The following DUSP4 variants were observed in gnomAD, a reference collection of about 807,000 sequenced individuals.
The protein encoded by DUSP4 is dual specificity phosphatase 4.
DUSP4 carries 12 observed loss-of-function variants against 27.2 expected under a neutral mutation model. The ratio of observed to expected loss-of-function variants is 0.44; its 90% CI spans 0.28 to 0.71. The LOEUF (loss-of-function observed/expected upper bound fraction) is 0.71. Ranked by LOEUF, DUSP4 falls within the 30% of genes least tolerant of loss-of-function variation. DUSP4 has a pLI of 0.14. For synonymous variants in DUSP4, 257 were observed against 245.2 expected, an observed-to-expected ratio of 1.05 and a Z score of -0.45; for missense variants, 448 against 551.3, an observed-to-expected ratio of 0.81 and a Z score of 1.88.
At chr8:29,341,897 T>C (rs1406027892) in intron 1 of DUSP4, among the ~76,000 whole-genome samples, 1 of 152,238 alleles carries the variant, frequency 6.6e-6, no homozygotes, top group Non-Finnish European at 1.5e-5. Context: ...TGATCACTTG[T>C]ATCCCAAGCC....
chr8:29,338,992 G>C (rs757265219), intron 2 of DUSP4, among the ~76,000 whole-genome samples: 3 of 152,216 alleles, frequency 2.0e-5, no homozygotes, highest in Admixed American at 6.5e-5. Context: ...GGAGTTCCAA[G>C]ACCAGCATGG....
In DUSP4 at chr8:29,350,138, C is replaced by T. The variant is rs770217099; in HGVS notation, c.141G>A (p.Leu47=). Residue 47 remains leucine (L), a synonymous_variant, in exon 1 of 4, where the codon CTG becomes CTA. Coordinates refer to ENST00000240100, the MANE Select transcript of DUSP4 (RefSeq NM_001394.7). ...GCGCCAGGAACGGTCTGCAGTCCAG[C>T]AGCAGGCACTTGCCGCCGCTCGGCA... ...LGLPSGGKCL[L]LDCRPFLAHS... 1 of 1,609,276 alleles carries T rather than the reference C, an allele frequency of 6.2e-7. No homozygotes were observed. Among genetic ancestry groups the T allele is most frequent in the Non-Finnish European group, 8.5e-7 (1 of 1,179,246 alleles).
chr8:29,350,337 T>C lies in DUSP4; in HGVS notation c.-59A>G. The C allele has an allele frequency of 6.6e-7, 1 of 1,506,080 alleles. No individual in the cohort carries two copies. The highest frequency in any genetic ancestry group is 8.8e-7 in the Non-Finnish European group (1 of 1,132,476). 93.3% of individuals were successfully genotyped at this position (1,506,080 alleles called of 1,614,324 possible). On this transcript the variant is annotated 5_prime_UTR_variant, in exon 1 of 4. Transcript: ENST00000240100. The stretch of plus-strand genomic sequence containing the variant: ...GGAAGAGAAGAGAACCCGGGCCGCC[T>C]AGGCTGCAGAAAGGGGCGGGCGAGA...
Position 29,336,085 on chromosome 8 carries a change from TTTC to T in DUSP4, c.*938_*940del, listed in dbSNP as rs1402477954. 2.0e-5 allele frequency: 3 copies of T among 152,118 alleles called. No homozygotes were observed. Among genetic ancestry groups the T allele is most frequent in the Non-Finnish European group, 2.9e-5 (2 of 68,022 alleles). The allele number at this position is 152,118 out of a possible 1,614,324, so 9.4% of individuals were successfully genotyped here. A position where few individuals can be genotyped will look rare whatever the true frequency, so the allele number is the denominator to read the frequency against. On this transcript the variant is annotated 3_prime_UTR_variant, in exon 4 of 4. Coordinates refer to ENST00000240100, the MANE Select transcript of DUSP4 (RefSeq NM_001394.7). ...AACATAGTGAGATGCTGTCTTTTTT[TTTC>T]TTTTCTTTTTTTTTAAAAAAGCAAT...
chr8:29,341,943 A>G (rs1191774542), intron 1 of DUSP4, among the ~76,000 whole-genome samples: 2 of 152,210 alleles, frequency 1.3e-5, no homozygotes, highest in Non-Finnish European at 2.9e-5. Context: ...CTAGGATTTG[A>G]AAAAATTCTA....
intron 1 of DUSP4, among the ~76,000 whole-genome samples, chr8:29,342,604 C>T (rs1461658770): frequency 6.6e-6 from 1 of 152,206 alleles, no homozygotes; most frequent in Non-Finnish European, 1.5e-5. Flanking sequence ...AGACCTCCAT[C>T]TTCTCTCCCA....
chr8:29,344,100 C>T (rs1410891115), intron 1 of DUSP4, among the ~76,000 whole-genome samples: 2 of 152,228 alleles, frequency 1.3e-5, no homozygotes, highest in African/African-American at 4.8e-5. Flanking sequence ...AAGTCCAACT[C>T]AACTTGTGGA....
chr8:29,337,313 G>A lies in DUSP4; in HGVS notation c.898C>T (p.Arg300Trp). The change falls in exon 4 of 4, where the codon CGG (arginine) becomes TGG (tryptophan). Residue 300 changes from arginine to tryptophan, a missense_variant. This residue lies in a region of DUSP4 where 100 missense variants were observed against 139.8 expected (regional missense o/e 0.72). Coordinates refer to ENST00000240100, the MANE Select transcript of DUSP4 (RefSeq NM_001394.7). The surrounding 1 kb of genome is among the most constrained non-coding windows in gnomAD (Gnocchi z 6.4). ...ICLAYLMMKK[R>W]VRLEEAFEFV... is the part of the protein sequence containing the mutation. ...TCGAAGGCCTCCTCCAGCCTCACCC[G>A]TTTCTTCATCATCAGGTAGGCCAGG... The A allele has an allele frequency of 1.9e-6, 3 of 1,612,938 alleles. No individual in the cohort carries two copies. Among genetic ancestry groups the A allele is most frequent in the East Asian group, 2.2e-5 (1 of 44,878 alleles).
rs1034359451 is a variant in DUSP4 at position 29,338,183 on chromosome 8, C to A, written c.799+99G>T. On this transcript the variant is annotated intron_variant, in intron 3 of 3. Transcript: ENST00000240100. ...GAGGGGGAATGGGGACCCTTGGATT[C>A]AGTGCCTCCAATGTCCACCTTCAAC... The A allele has an allele frequency of 3.2e-6, 4 of 1,234,670 alleles. No homozygotes were observed. In the African/African-American group the frequency reaches 5.9e-5, roughly 18 times the overall value. 76.5% of individuals were successfully genotyped at this position (1,234,670 alleles called of 1,614,324 possible).
chr8:29,345,356 A>C (rs1817715437), intron 1 of DUSP4: 2 of 1,613,626 alleles, frequency 1.2e-6, no homozygotes, highest in Admixed American at 1.7e-5. Flanking sequence ...AATCCAACTA[A>C]GTGAACTTCT....
At position 29,336,781 on chromosome 8, in the gene DUSP4, C is replaced by A; in HGVS notation, c.*245G>T. On this transcript the variant is annotated 3_prime_UTR_variant, in exon 4 of 4. Transcript: ENST00000240100. ...AAGTGAAACTGACACATAAACCAAA[C>A]CAAGGTCTTCCCTGGCTGCTGCGGC... 1 of 487,580 alleles carries A rather than the reference C, an allele frequency of 2.1e-6. No homozygotes were observed. Among genetic ancestry groups the A allele is most frequent in the African/African-American group, 2.0e-5 (1 of 49,848 alleles). The allele number at this position is 487,580 out of a possible 1,614,324, so 30.2% of individuals were successfully genotyped here. A position where few individuals can be genotyped will look rare whatever the true frequency, so the allele number is the denominator to read the frequency against.
chr8:29,344,457 T>A (rs1375808886), intron 1 of DUSP4, among the ~76,000 whole-genome samples: 1 of 152,256 alleles, frequency 6.6e-6, no homozygotes, highest in Non-Finnish European at 1.5e-5. Flanking sequence ...TCCCATGTCC[T>A]TATTTAAGAA....
chr8:29,344,831 CTTTT>C (rs1207397990), intron 1 of DUSP4, among the ~76,000 whole-genome samples: 4 of 144,864 alleles, frequency 2.8e-5, no homozygotes, highest in African/African-American at 5.0e-5. Context: ...GGTCATGGAT[CTTTT>C]TTTTTTTTTT....
intron 1 of DUSP4, among the ~76,000 whole-genome samples, chr8:29,341,932 T>TA (rs1817661584): frequency 6.6e-6 from 1 of 152,266 alleles, no homozygotes; most frequent in Non-Finnish European, 1.5e-5. Context: ...TATATACTTC[T>TA]CTAGGATTTG....
intron 1 of DUSP4, among the ~76,000 whole-genome samples, chr8:29,341,782 T>C (rs1394074062): frequency 1.3e-5 from 2 of 152,136 alleles, no homozygotes; most frequent in Non-Finnish European, 2.9e-5. Context: ...AGGAAGGAAA[T>C]ATCTGTCTGC....
At chr8:29,340,301 A>T in intron 1 of DUSP4, 58 bp from the exon 2 acceptor site, 1 of 1,538,402 alleles carries the variant, frequency 6.5e-7, no homozygotes. Flanking sequence ...GGAAGTCAGA[A>T]AGAACTCGAC....
chr8:29,338,199 C>T, intron 3 of DUSP4, 83 bp downstream of exon 3: 4 of 1,429,438 alleles, frequency 2.8e-6, no homozygotes, highest in South Asian at 2.4e-5. Flanking sequence ...CTCCAATGTC[C>T]ACCTTCAACC....
intron 1 of DUSP4, chr8:29,347,771 C>A (rs773538797): frequency 1.2e-5 from 12 of 985,406 alleles, no homozygotes; most frequent in Non-Finnish European, 1.4e-5. Context: ...TCGCCACCCA[C>A]CAGAGGGCTG....
intron 1 of DUSP4, chr8:29,348,846 A>C (rs1817778581): frequency 1.0e-6 from 1 of 966,894 alleles, no homozygotes; most frequent in Non-Finnish European, 1.2e-6. Context: ...GCGCGGAAGA[A>C]TGCGCGGAAT....
Sources: gnomAD v4.1 joint callset for allele counts (sites outside exome capture counted in the v4.1 genomes callset) on GRCh38, gnomAD v4.1.1 for gene constraint, gnomAD v4.1.1 regional missense constraint, Gnocchi (gnomAD v3.1) non-coding constraint, MANE v1.5 for transcripts, NCBI Gene and HGNC (gene_info 2026-07-23, HGNC 2026-07-21) for gene names.